Variants in PLCG2 observed in about 807,000 individuals in gnomAD.
PLCG2 encodes the protein phospholipase C gamma 2.
PLCG2 carries 69 observed loss-of-function variants against 175.6 expected under a neutral mutation model. The observed-to-expected ratio is 0.39, with a 90% CI of 0.32 to 0.48. The LOEUF is 0.48. Ranked by LOEUF, PLCG2 falls within the 20% of genes least tolerant of loss-of-function variation. The pLI, the probability that PLCG2 is intolerant of heterozygous loss-of-function variation, is 0.91. For synonymous variants in PLCG2, 827 were observed against 624.0 expected, an observed-to-expected ratio of 1.33 and a Z score of -4.85; for missense variants, 1,798 against 1,650.9, an observed-to-expected ratio of 1.09 and a Z score of -1.54.
At chr16:81,836,686 G>A (rs1197769404) in intron 2 of PLCG2, among the ~76,000 whole-genome samples, 1 of 152,210 alleles carries the variant, frequency 6.6e-6, no homozygotes, top group Admixed American at 6.5e-5. Flanking sequence ...GGTGCAGTGA[G>A]CTGAGATTGT....
At chr16:81,897,919 A>G (rs1258819856) in intron 13 of PLCG2, 1 of 452,582 alleles carries the variant, frequency 2.2e-6, no homozygotes, top group Admixed American at 2.4e-5. Flanking sequence ...AGACAATGAA[A>G]TTATGGACGT....
In PLCG2 at chr16:81,926,494, G is replaced by T. The variant is rs185576877; in HGVS notation, c.2418-588G>T. 1.2e-4 allele frequency among the ~76,000 whole-genome samples: 18 copies of T among 152,354 alleles called. No individual in the cohort carries two copies. In the East Asian group the frequency reaches 3.5e-3, roughly 29 times the overall value. ...CCCGTGTTGTTAGTGTTGTTATAAA[G>T]ATAGGGAACAATGTTTTAGCTGAAT... On this transcript the variant is annotated intron_variant, in intron 22 of 32. Transcript: ENST00000564138.
At chr16:81,794,146 T>C (rs1456399287) in intron 2 of PLCG2, among the ~76,000 whole-genome samples, 1 of 151,980 alleles carries the variant, frequency 6.6e-6, no homozygotes, top group Non-Finnish European at 1.5e-5. Context: ...GGCGCCGGAT[T>C]TGTGGGGAGA....
intron 7 of PLCG2, 88 bp from the exon 8 acceptor site, chr16:81,880,822 G>C: frequency 8.5e-7 from 1 of 1,181,390 alleles, no homozygotes; most frequent in Non-Finnish European, 1.3e-6. Context: ...CTGACAAAAT[G>C]ATGCTTTTTT....
rs551550646 is a variant in PLCG2, at chr16:81,938,339, G to C, written c.3198+436G>C. 3.3e-5 allele frequency: 6 copies of C among 183,776 alleles called. No homozygotes were observed. The South Asian group carries it at 1.1e-3, about 33-fold the overall frequency. 11.4% of individuals were successfully genotyped at this position (183,776 alleles called of 1,614,324 possible). A position where few individuals can be genotyped will look rare whatever the true frequency, so the allele number is the denominator to read the frequency against. ...GCTTTGTAAGAATTTTTGAAAAGTA[G>C]AGAAATGAATTGCATTTCTCCTAAG... On this transcript the variant is annotated intron_variant, in intron 28 of 32. Transcript: ENST00000564138.
At chr16:81,880,191 T>C (rs1342129938) in intron 7 of PLCG2, among the ~76,000 whole-genome samples, 1 of 152,174 alleles carries the variant, frequency 6.6e-6, no homozygotes, top group African/African-American at 2.4e-5. Flanking sequence ...TGGTGAACTA[T>C]GGTCGTGCCA....
intron 2 of PLCG2, among the ~76,000 whole-genome samples, chr16:81,765,149 A>G (rs545934050): frequency 1.3e-5 from 2 of 152,380 alleles, no homozygotes; most frequent in East Asian, 1.9e-4. Context: ...ACATTTGGAC[A>G]CAGAGACATG....
chr16:81,870,389 C>T (rs568350394), intron 6 of PLCG2, among the ~76,000 whole-genome samples: 32 of 152,268 alleles, frequency 2.1e-4, no homozygotes, highest in Admixed American at 4.6e-4. Context: ...GTCTGACTCC[C>T]AATGCTTTAC....
intron 2 of PLCG2, among the ~76,000 whole-genome samples, chr16:81,814,682 G>A (rs1485267072): frequency 2.6e-5 from 4 of 151,914 alleles, no homozygotes; most frequent in East Asian, 1.9e-4. Context: ...GCAACAGTAC[G>A]AGACTCTGTC....
chr16:81,945,695 G>T (rs1280521902), intron 30 of PLCG2, among the ~76,000 whole-genome samples: 1 of 152,138 alleles, frequency 6.6e-6, no homozygotes, highest in African/African-American at 2.4e-5. Context: ...GGAGGAGGAA[G>T]ATCAATACTG....
intron 9 of PLCG2, among the ~76,000 whole-genome samples, chr16:81,884,337 C>G (rs1314383707): frequency 6.6e-6 from 1 of 151,590 alleles, no homozygotes; most frequent in Admixed American, 6.6e-5. Flanking sequence ...GGCAACAGAG[C>G]AAGACTCCGT....
chr16:81,792,964 C>G (rs1911306220), intron 2 of PLCG2, among the ~76,000 whole-genome samples: 1 of 152,170 alleles, frequency 6.6e-6, no homozygotes, highest in African/African-American at 2.4e-5. Flanking sequence ...ATAGTAGTTT[C>G]TATCTTATTG....
At chr16:81,788,950 G>C (rs1247064973) in intron 2 of PLCG2, among the ~76,000 whole-genome samples, 2 of 152,188 alleles carry the variant, frequency 1.3e-5, no homozygotes, top group African/African-American at 4.8e-5. Context: ...GGGCCACGTT[G>C]AGACTGGACT....
chr16:81,744,408 C>A (rs1909663187), intron 1 of PLCG2, among the ~76,000 whole-genome samples: 1 of 152,094 alleles, frequency 6.6e-6, no homozygotes, highest in Non-Finnish European at 1.5e-5. Flanking sequence ...CTTGATCTGC[C>A]CGCCTTGCCC....
At chr16:81,785,241 G>C (rs1298820674) in intron 1 of PLCG2, among the ~76,000 whole-genome samples, 5 of 152,122 alleles carry the variant, frequency 3.3e-5, no homozygotes, top group Non-Finnish European at 5.9e-5. Flanking sequence ...CCTCCTAGGT[G>C]CTGGCCGTCA....
intron 5 of PLCG2, among the ~76,000 whole-genome samples, chr16:81,859,889 A>T (rs989412516): frequency 2.0e-5 from 3 of 152,118 alleles, no homozygotes; most frequent in Non-Finnish European, 4.4e-5. Context: ...GATAACGTAT[A>T]TTCAGTTTAC....
At chr16:81,915,212 C>T (rs1275340310) in intron 19 of PLCG2, among the ~76,000 whole-genome samples, 1 of 152,130 alleles carries the variant, frequency 6.6e-6, no homozygotes, top group African/African-American at 2.4e-5. Flanking sequence ...GGAATTTGGA[C>T]CAGGCAGTAG....
chr16:81,926,244 G>A (rs996109084), intron 22 of PLCG2, among the ~76,000 whole-genome samples: 2 of 152,212 alleles, frequency 1.3e-5, no homozygotes, highest in African/African-American at 4.8e-5. Flanking sequence ...GCTGGGCCGT[G>A]GCTGCCATGT....
In PLCG2 at chr16:81,905,407, A is replaced by G. The variant is rs1909322863; in HGVS notation, c.1367A>G (p.Lys456Arg). 4 of 1,613,098 alleles carry G rather than the reference A, an allele frequency of 2.5e-6. No homozygotes were observed. The East Asian group carries it at 8.9e-5, about 36-fold the overall frequency. The change falls in exon 15 of 33, where the codon AAG (lysine) becomes AGG (arginine). Residue 456 changes from lysine to arginine, a missense_variant. Transcript: ENST00000564138. The part of the protein sequence containing the change: ...QLREKIIIKH[K>R]KLGPRGDVDV... ...ATGTATATGTTTTCCCCTCAGCATA[A>G]GAAGCTGGGCCCCCGAGGCGATGTG... is the stretch of plus-strand genomic sequence containing the variant.
Sources: gnomAD v4.1 joint callset for allele counts (sites outside exome capture counted in the v4.1 genomes callset) on GRCh38, gnomAD v4.1.1 for gene constraint, MANE v1.5 for transcripts, NCBI Gene and HGNC (gene_info 2026-07-23, HGNC 2026-07-21) for gene names.